The following BHMT2 variants were observed in gnomAD, a reference collection of about 807,000 sequenced individuals.
BHMT2 encodes S-methylmethionine--homocysteine S-methyltransferase BHMT2.
A neutral mutation model predicts 39.0 loss-of-function variants in BHMT2; 28 were observed. The observed-to-expected ratio is 0.72, with a 90% CI of 0.53 to 0.98. BHMT2 has a LOEUF of 0.98. Ranked by LOEUF, BHMT2 falls within the 50% of genes least tolerant of loss-of-function variation. The probability of loss-of-function intolerance (pLI) is 0.00; values close to 1 mark genes in which losing one functional copy is unlikely to be tolerated. For missense variants in BHMT2, 410 were observed against 455.6 expected, an observed-to-expected ratio of 0.90 and a Z score of 0.91; for synonymous variants, 145 against 160.6, an observed-to-expected ratio of 0.90 and a Z score of 0.74.
intron 1 of BHMT2, among the ~76,000 whole-genome samples, chr5:79,076,768 C>T (rs902866120): frequency 2.0e-5 from 3 of 152,152 alleles, no homozygotes; most frequent in Admixed American, 6.5e-5. Flanking sequence ...GACTACAAAG[C>T]GTTGTGTCCA....
intron 4 of BHMT2, 190 bp from the exon 5 acceptor site, chr5:79,082,619 A>G: frequency 1.8e-6 from 1 of 550,580 alleles, no homozygotes; most frequent in Non-Finnish European, 3.1e-6. Context: ...TTATTGTTAT[A>G]GGAATGAAAA....
Position 79,083,685 on chromosome 5 carries a change from A to G in BHMT2, c.839A>G (p.Tyr280Cys), listed in dbSNP as rs201662010. ...WDIQKYAREA[Y>C]NLGVRYIGGC... ...ATTCAAAAATACGCCAGAGAGGCCT[A>G]CAACCTGGGGGTCAGGTACATTGGC... The change falls in exon 7 of 8, where the codon TAC (tyrosine) becomes TGC (cysteine). Residue 280 changes from tyrosine to cysteine, a missense_variant. Coordinates refer to ENST00000255192, the MANE Select transcript of BHMT2 (RefSeq NM_017614.5). 13 of 1,614,166 alleles carry G rather than the reference A, an allele frequency of 8.1e-6. No individual in the cohort carries two copies. The highest frequency in any genetic ancestry group is 6.7e-5 in the Admixed American group (4 of 60,026).
Position 79,078,751 on chromosome 5 carries a change from T to C in BHMT2, c.167-618T>C, listed in dbSNP as rs182904961. 3.5e-3 allele frequency among the ~76,000 whole-genome samples: 530 copies of C among 152,360 alleles called. 2 individuals are homozygous for C. Among genetic ancestry groups the C allele is most frequent in the Non-Finnish European group, 5.6e-3 (378 of 68,034 alleles). On this transcript the variant is annotated intron_variant, in intron 2 of 7. Transcript: ENST00000255192. ...TTCCTTTGGTGCTTAACAGGATGTT[T>C]TCATCTGGCCCAAGAAGAACTTGTT...
In BHMT2 at chr5:79,088,853, T is replaced by C. The variant is rs1047339025; in HGVS notation, c.*279T>C. On this transcript the variant is annotated 3_prime_UTR_variant, in exon 8 of 8. Transcript: ENST00000255192. ...TACTGTCCAATCATGCTGTGGTGCA[T>C]TCCTTTGAAGATCATGAAGAATAGC... is the stretch of plus-strand genomic sequence containing the variant. The C allele has an allele frequency of 1.1e-5, 3 of 279,154 alleles. No homozygotes were observed. Among genetic ancestry groups the C allele is most frequent in the Admixed American group, 5.2e-5 (1 of 19,220 alleles). The allele number at this position is 279,154 out of a possible 1,614,324, so 17.3% of individuals were successfully genotyped here.
intron 7 of BHMT2, among the ~76,000 whole-genome samples, chr5:79,087,014 G>GTGTGCATATATATATATATATATATA (rs1329456863): frequency 1.7e-5 from 2 of 118,310 alleles, no homozygotes; most frequent in African/African-American, 6.4e-5. Context: ...GTGTGTGTGT[G>GTGTGCATATATATATATATATATATA]TATATATATA....
intron 1 of BHMT2, among the ~76,000 whole-genome samples, chr5:79,074,205 A>G (rs969147526): frequency 1.3e-5 from 2 of 152,198 alleles, no homozygotes; most frequent in African/African-American, 4.8e-5. Context: ...ATTTCTCAAT[A>G]TTAAACTCCT....
At chr5:79,078,287 G>A (rs1263200485) in intron 2 of BHMT2, 2 of 149,814 alleles carry the variant, frequency 1.3e-5, no homozygotes, top group African/African-American at 4.9e-5. Context: ...AAAAAAAAGA[G>A]CTAGAGGTAA....
chr5:79,069,867 G>A, intron 1 of BHMT2, 52 bp downstream of exon 1: 1 of 1,354,956 alleles, frequency 7.4e-7, no homozygotes. Flanking sequence ...TGGGCTGCGA[G>A]CGACTCCGTT....
At chr5:79,088,427 T>C (rs560000225) in intron 7 of BHMT2, 66 bp from the exon 8 acceptor site, 2 of 1,099,696 alleles carry the variant, frequency 1.8e-6, no homozygotes, top group African/African-American at 1.6e-5. Flanking sequence ...CATATATACA[T>C]ATATGACATA....
Position 79,080,857 on chromosome 5 carries a change from T to A in BHMT2, c.429T>A (p.Asn143Lys). ...AGCTAGAAGTTTTTGCCTGGAAAAA[T>A]GTGGACTTCTTGATTGCAGAGGTGA... is the stretch of plus-strand genomic sequence containing the variant. ...RQQLEVFAWK[N>K]VDFLIAEYFE... Residue 143 changes from asparagine (N) to lysine (K), a missense_variant, in exon 4 of 8, where the codon AAT (asparagine) becomes AAA (lysine). Coordinates refer to ENST00000255192, the MANE Select transcript of BHMT2 (RefSeq NM_017614.5). The A allele has an allele frequency of 1.3e-6, 2 of 1,597,128 alleles. No individual in the cohort carries two copies. Among genetic ancestry groups the A allele is most frequent in the Non-Finnish European group, 1.7e-6 (2 of 1,174,590 alleles).
chr5:79,071,716 T>C lies in BHMT2; in HGVS notation c.33+1901T>C, dbSNP rs931014829. ...GAAAAATAACTAATGGATACTAGGCTTAATACCTGGGTGAGGAAATAACCC... is the reference window on the plus strand; with the variant it reads ...GAAAAATAACTAATGGATACTAGGCCTAATACCTGGGTGAGGAAATAACCC... On this transcript the variant is annotated intron_variant, in intron 1 of 7. Coordinates refer to ENST00000255192, the MANE Select transcript of BHMT2 (RefSeq NM_017614.5). Among the ~76,000 whole-genome samples, 10 of 151,708 alleles carry C rather than the reference T, an allele frequency of 6.6e-5. No homozygotes were observed. In the East Asian group the frequency reaches 1.9e-3, roughly 29 times the overall value.
intron 2 of BHMT2, among the ~76,000 whole-genome samples, chr5:79,078,680 T>G (rs889385757): frequency 6.6e-6 from 1 of 152,262 alleles, no homozygotes; most frequent in Non-Finnish European, 1.5e-5. Flanking sequence ...TTATGATTGG[T>G]GCATCGGACA....
chr5:79,084,087 C>G (rs1755846312), intron 7 of BHMT2, among the ~76,000 whole-genome samples: 1 of 152,110 alleles, frequency 6.6e-6, no homozygotes. Context: ...ATTTCTTTCT[C>G]AGTTCTGGAG....
chr5:79,077,755 T>A, intron 2 of BHMT2, 143 bp downstream of exon 2: 3 of 989,370 alleles, frequency 3.0e-6, no homozygotes, highest in Non-Finnish European at 2.9e-6. Flanking sequence ...ATAATGGCAG[T>A]ATACAGGCGG....
At chr5:79,085,168 A>G (rs973234521) in intron 7 of BHMT2, among the ~76,000 whole-genome samples, 2 of 152,360 alleles carry the variant, frequency 1.3e-5, no homozygotes, top group East Asian at 3.9e-4. Flanking sequence ...CATTTACAAT[A>G]TTATTATAAT....
In BHMT2 at chr5:79,077,726, AGATTGCCAAGAT is replaced by A. The variant is rs558897941; in HGVS notation, c.166+116_166+127del. 3,052 of 1,298,058 alleles carry A rather than the reference AGATTGCCAAGAT, an allele frequency of 2.4e-3. 19 individuals carry two copies. The highest frequency in any genetic ancestry group is 0.022 in the African/African-American group (1,476 of 68,264). 80.4% of individuals were successfully genotyped at this position (1,298,058 alleles called of 1,614,324 possible). A position where few individuals can be genotyped will look rare whatever the true frequency, so the allele number is the denominator to read the frequency against. On this transcript the variant is annotated intron_variant, in intron 2 of 7. Transcript: ENST00000255192. ...TTTCAAAGGGGTGTTTTGCTTGCTA[AGATTGCCAAGAT>A]GTGGAGATAATGGCAGTATACAGGC...
intron 7 of BHMT2, among the ~76,000 whole-genome samples, chr5:79,084,852 T>G (rs1755864353): frequency 6.6e-6 from 1 of 152,260 alleles, no homozygotes; most frequent in South Asian, 2.1e-4. Context: ...TTTCCAGTTT[T>G]GATTCGTTAC....
In BHMT2 at chr5:79,089,620, G is replaced by A. The variant is rs1299969136; in HGVS notation, c.*1046G>A. Among the ~76,000 whole-genome samples, 2 of 152,138 alleles carry A rather than the reference G, an allele frequency of 1.3e-5. No homozygotes were observed. Among genetic ancestry groups the A allele is most frequent in the African/African-American group, 4.8e-5 (2 of 41,430 alleles). ...TTAGACATACTAATAGGTGCACAGT[G>A]AAATACTTATTGTTGATTGTTTAAA... is the stretch of plus-strand genomic sequence containing the variant. On this transcript the variant is annotated 3_prime_UTR_variant, in exon 8 of 8. Transcript: ENST00000255192.
Position 79,073,573 on chromosome 5 carries a change from A to G in BHMT2, c.33+3758A>G, listed in dbSNP as rs1755620007. Among the ~76,000 whole-genome samples, 3 of 152,224 alleles carry G rather than the reference A, an allele frequency of 2.0e-5. No individual in the cohort carries two copies. In the South Asian group the frequency reaches 6.2e-4, roughly 32 times the overall value. On this transcript the variant is annotated intron_variant, in intron 1 of 7. Transcript: ENST00000255192. ...CCTTTTTTATATTTCAAAAGTACAAATTGAAAAGAGTGAATTGCATTTGAT... is the reference window on the plus strand; with the variant it reads ...CCTTTTTTATATTTCAAAAGTACAAGTTGAAAAGAGTGAATTGCATTTGAT...
Sources: allele counts gnomAD v4.1 joint callset (sites outside exome capture counted in the v4.1 genomes callset), GRCh38; gene constraint gnomAD v4.1.1; transcripts MANE v1.5; gene names NCBI Gene and HGNC (gene_info 2026-07-23, HGNC 2026-07-21).